KIF26B: variants seen among roughly 807,000 people sequenced by gnomAD.
KIF26B encodes kinesin family member 26B, also known as kinesin-like protein KIF26B.
A neutral mutation model predicts 151.2 loss-of-function variants in KIF26B; 63 were observed. That is an observed-to-expected ratio of 0.42 (90% CI 0.34 to 0.51). The LOEUF is 0.51. Ranked by LOEUF, KIF26B falls within the 20% of genes least tolerant of loss-of-function variation. The probability of loss-of-function intolerance (pLI) is 0.07; values close to 1 mark genes in which losing one functional copy is unlikely to be tolerated. For missense variants in KIF26B, 2,813 were observed against 2,913.6 expected (o/e 0.97, Z 0.79); for synonymous variants, 1,357 against 1,262.1 (o/e 1.08, Z -1.59).
At chr1:245,226,769 A>G (rs1669885501) in intron 2 of KIF26B, among the ~76,000 whole-genome samples, 1 of 152,066 alleles carries the variant, frequency 6.6e-6, no homozygotes, top group African/African-American at 2.4e-5. Flanking sequence ...GGCCAGATGC[A>G]TCTCTTTGAG....
intron 9 of KIF26B, among the ~76,000 whole-genome samples, chr1:245,641,002 ACTT>A (rs1483248403): frequency 6.6e-6 from 1 of 152,164 alleles, no homozygotes; most frequent in Non-Finnish European, 1.5e-5. Flanking sequence ...GCTTTTAAGA[ACTT>A]CTTTAGCATT....
At chr1:245,197,044 C>G (rs746506961) in intron 2 of KIF26B, among the ~76,000 whole-genome samples, 3 of 152,172 alleles carry the variant, frequency 2.0e-5, no homozygotes, top group African/African-American at 2.4e-5. Flanking sequence ...GCAAGTGCGT[C>G]GAGCCACTCA....
Position 245,207,162 on chromosome 1 carries a change from G to T in KIF26B, c.465+50479G>T, listed in dbSNP as rs548709727. ...AATAGGATGCATGGAATTAAGGCAGGACTCCCTGTGTTGGAAGCAAAGCTA... is the reference window on the plus strand; with the variant it reads ...AATAGGATGCATGGAATTAAGGCAGTACTCCCTGTGTTGGAAGCAAAGCTA... On this transcript the variant is annotated intron_variant, in intron 2 of 14. Coordinates refer to ENST00000407071, the MANE Select transcript of KIF26B (RefSeq NM_018012.4). 1.8e-4 allele frequency among the ~76,000 whole-genome samples: 28 copies of T among 152,256 alleles called. 2 individuals are homozygous for T. The highest frequency in any genetic ancestry group is 6.3e-4 in the African/African-American group (26 of 41,548).
At chr1:245,181,324 C>A (rs1428449067) in intron 2 of KIF26B, among the ~76,000 whole-genome samples, 1 of 152,080 alleles carries the variant, frequency 6.6e-6, no homozygotes, top group Admixed American at 6.6e-5. Context: ...TGTTCTGTTG[C>A]TTGGCAGCCT....
intron 10 of KIF26B, among the ~76,000 whole-genome samples, chr1:245,662,135 TACAC>T (rs781172343): frequency 2.7e-5 from 4 of 149,702 alleles, no homozygotes; most frequent in Admixed American, 6.7e-5. Flanking sequence ...GATATATACA[TACAC>T]ACACCCCATA....
intron 4 of KIF26B, among the ~76,000 whole-genome samples, chr1:245,425,560 C>A (rs1260862617): frequency 6.6e-6 from 1 of 152,156 alleles, no homozygotes; most frequent in East Asian, 1.9e-4. Context: ...GCGTCCAACA[C>A]CACACCCGGC....
chr1:245,698,041 C>G lies in KIF26B; in HGVS notation c.5825-65C>G. 3 of 1,480,576 alleles carry G rather than the reference C, an allele frequency of 2.0e-6. No individual in the cohort carries two copies. Among genetic ancestry groups the G allele is most frequent in the Non-Finnish European group, 2.7e-6 (3 of 1,092,804 alleles). The allele number at this position is 1,480,576 out of a possible 1,614,324, so 91.7% of individuals were successfully genotyped here. ...TGGGCAACAGAGCAAGACCCTGTCTCAAAAAAACAACAAAAAAATTGAAAT... is the reference window on the plus strand; with the variant it reads ...TGGGCAACAGAGCAAGACCCTGTCTGAAAAAAACAACAAAAAAATTGAAAT... On this transcript the variant is annotated intron_variant, in intron 12 of 14. Transcript: ENST00000407071. The surrounding 1 kb of genome is among the most constrained non-coding windows in gnomAD (Gnocchi z 4.0).
At chr1:245,181,028 T>C (rs745907447) in intron 2 of KIF26B, among the ~76,000 whole-genome samples, 5 of 152,102 alleles carry the variant, frequency 3.3e-5, no homozygotes, top group Non-Finnish European at 7.4e-5. Context: ...CTGTCAGACA[T>C]TGAGAGGCCT....
chr1:245,319,874 C>T (rs551281617), intron 2 of KIF26B, among the ~76,000 whole-genome samples: 3 of 152,146 alleles, frequency 2.0e-5, no homozygotes, highest in African/African-American at 7.2e-5. Context: ...TGAGTCCATG[C>T]TATTTCTCTG....
chr1:245,215,776 G>C (rs943527476), intron 2 of KIF26B, among the ~76,000 whole-genome samples: 1 of 152,046 alleles, frequency 6.6e-6, no homozygotes, highest in Non-Finnish European at 1.5e-5. Flanking sequence ...TTTTTTAGAG[G>C]CTTCTATGAT....
intron 5 of KIF26B, among the ~76,000 whole-genome samples, chr1:245,544,237 G>A (rs956725658): frequency 6.6e-6 from 1 of 152,162 alleles, no homozygotes; most frequent in African/African-American, 2.4e-5. Context: ...ATACAGTGGA[G>A]TTTAATATAG....
intron 4 of KIF26B, among the ~76,000 whole-genome samples, chr1:245,492,873 C>A (rs1165021522): frequency 1.3e-5 from 2 of 152,052 alleles, no homozygotes; most frequent in South Asian, 4.1e-4. Context: ...CTCTGCCTCC[C>A]GGGTTCAAGC....
At chr1:245,255,921 C>T (rs1483256537) in intron 2 of KIF26B, among the ~76,000 whole-genome samples, 1 of 152,062 alleles carries the variant, frequency 6.6e-6, no homozygotes, top group Admixed American at 6.6e-5. Context: ...CTTCATGGTA[C>T]TTAAAGTTAG....
At chr1:245,325,840 G>A (rs1488808670) in intron 2 of KIF26B, among the ~76,000 whole-genome samples, 1 of 152,186 alleles carries the variant, frequency 6.6e-6, no homozygotes, top group Non-Finnish European at 1.5e-5. Context: ...TGGCGGAGGG[G>A]GGGTGGTATT....
chr1:245,267,165 A>G (rs1670761916), intron 2 of KIF26B, among the ~76,000 whole-genome samples: 1 of 152,194 alleles, frequency 6.6e-6, no homozygotes, highest in African/African-American at 2.4e-5. Flanking sequence ...GCTATGATAC[A>G]AATATTCTTC....
In KIF26B at chr1:245,156,662, C is replaced by T. The variant is rs1002209932; in HGVS notation, c.444C>T (p.Leu148=). The change falls in exon 2 of 15, where the codon CTC becomes CTT. Residue 148 remains leucine, a synonymous_variant. Transcript: ENST00000407071. ...AGAGGCAGGCCCTGAGGTTGCTCCT[C>T]CCGGGGCCCTTCCCGGGCAAGGTGA... ...ELKRQALRLL[L]PGPFPGKDPA... The T allele has an allele frequency of 6.7e-6, 10 of 1,502,866 alleles. No individual in the cohort carries two copies. The highest frequency in any genetic ancestry group is 2.7e-5 in the East Asian group (1 of 36,474). The allele number at this position is 1,502,866 out of a possible 1,614,324, so 93.1% of individuals were successfully genotyped here.
At chr1:245,491,730 A>T (rs1010667489) in intron 4 of KIF26B, among the ~76,000 whole-genome samples, 5 of 152,174 alleles carry the variant, frequency 3.3e-5, no homozygotes, top group African/African-American at 1.2e-4. Context: ...CAACATAGTG[A>T]AACCCCATCT....
Position 245,155,351 on chromosome 1 carries a change from C to T in KIF26B, c.-74C>T. ...GAGCCAGCCCCCTGCAGCCGGGGGA[C>T]GCTTCTGGGTTGGAGGACCTTCTGG... On this transcript the variant is annotated 5_prime_UTR_variant, in exon 1 of 15. It adds an upstream start codon to the 5' untranslated region. Coordinates refer to ENST00000407071, the MANE Select transcript of KIF26B (RefSeq NM_018012.4). 4 of 1,253,696 alleles carry T rather than the reference C, an allele frequency of 3.2e-6. No individual in the cohort carries two copies. The South Asian group carries it at 5.2e-5, about 16-fold the overall frequency. 77.7% of individuals were successfully genotyped at this position (1,253,696 alleles called of 1,614,324 possible).
chr1:245,344,818 A>G (rs1331036374), intron 2 of KIF26B, among the ~76,000 whole-genome samples: 6 of 151,996 alleles, frequency 3.9e-5, no homozygotes, highest in African/African-American at 7.3e-5. Context: ...GGCTGGACGT[A>G]TCCCTTGACA....
Sources: allele counts gnomAD v4.1 joint callset (sites outside exome capture counted in the v4.1 genomes callset), GRCh38; gene constraint gnomAD v4.1.1; non-coding constraint Gnocchi (gnomAD v3.1); transcripts MANE v1.5; gene names NCBI Gene and HGNC (gene_info 2026-07-23, HGNC 2026-07-21).